CTNNA3: variants seen among roughly 807,000 people sequenced by gnomAD.
CTNNA3 encodes the protein catenin alpha 3, also known as catenin alpha-3.
CTNNA3 carries 76 observed loss-of-function variants against 95.7 expected under a neutral mutation model. The ratio of observed to expected loss-of-function variants is 0.79; its 90% CI spans 0.66 to 0.96. CTNNA3 has a LOEUF of 0.96. CTNNA3 is among the 40% of genes least tolerant of loss of function. The probability of loss-of-function intolerance (pLI) is 0.00; values close to 1 mark genes in which losing one functional copy is unlikely to be tolerated. For missense variants in CTNNA3, 1,191 were observed against 1,089.8 expected (o/e 1.09, Z -1.31); for synonymous variants, 431 against 374.4 (o/e 1.15, Z -1.74).
At chr10:66,759,118 T>A (rs1480029251) in intron 9 of CTNNA3, among the ~76,000 whole-genome samples, 1 of 152,160 alleles carries the variant, frequency 6.6e-6, no homozygotes, top group East Asian at 1.9e-4. Context: ...AAGTGAAATT[T>A]TCAAAAGGAA....
chr10:66,654,171 C>G (rs2132422975), intron 9 of CTNNA3, among the ~76,000 whole-genome samples: 1 of 151,782 alleles, frequency 6.6e-6, no homozygotes, highest in East Asian at 1.9e-4. Context: ...GAAGAGACAA[C>G]CTATGGAATG....
chr10:66,773,966 T>C (rs1840194448), intron 8 of CTNNA3, among the ~76,000 whole-genome samples: 1 of 152,210 alleles, frequency 6.6e-6, no homozygotes, highest in Non-Finnish European at 1.5e-5. Flanking sequence ...GACATAATTA[T>C]ACTAAACCAT....
chr10:67,224,467 G>C (rs995722004), intron 5 of CTNNA3, among the ~76,000 whole-genome samples: 6 of 152,208 alleles, frequency 3.9e-5, no homozygotes, highest in Non-Finnish European at 8.8e-5. Context: ...ATCCCTATGA[G>C]GGAGGACCCA....
At chr10:66,500,335 A>G (rs1840240318) in intron 11 of CTNNA3, among the ~76,000 whole-genome samples, 1 of 152,182 alleles carries the variant, frequency 6.6e-6, no homozygotes, top group Non-Finnish European at 1.5e-5. Context: ...TTTTTGCTAA[A>G]TATGACAGAC....
intron 5 of CTNNA3, among the ~76,000 whole-genome samples, chr10:67,310,261 G>A (rs1055595302): frequency 3.9e-5 from 6 of 151,982 alleles, no homozygotes; most frequent in Non-Finnish European, 8.8e-5. Flanking sequence ...TGCATCTTCC[G>A]ACATCTAAAC....
chr10:66,258,115 A>T (rs2090860344), intron 13 of CTNNA3, among the ~76,000 whole-genome samples: 1 of 152,166 alleles, frequency 6.6e-6, no homozygotes, highest in South Asian at 2.1e-4. Flanking sequence ...AAACCTGTCT[A>T]CCCTGCAGCT....
At chr10:67,618,645 T>C (rs1378649157) in intron 2 of CTNNA3, among the ~76,000 whole-genome samples, 2 of 152,182 alleles carry the variant, frequency 1.3e-5, no homozygotes, top group Non-Finnish European at 2.9e-5. Flanking sequence ...CTCATCATGA[T>C]GAATATGAGA....
chr10:66,135,149 T>G (rs12414397), intron 13 of CTNNA3, among the ~76,000 whole-genome samples: 1,751 of 152,286 alleles, frequency 0.011, 66 homozygotes, highest in East Asian at 0.081. Flanking sequence ...ATTTCTTAGC[T>G]AGTAACAGTA....
intron 13 of CTNNA3, among the ~76,000 whole-genome samples, chr10:66,251,529 T>C (rs1046818757): frequency 6.6e-6 from 1 of 152,144 alleles, no homozygotes; most frequent in African/African-American, 2.4e-5. Flanking sequence ...AAGGCAATTA[T>C]AGTAGAGTAA....
intron 6 of CTNNA3, among the ~76,000 whole-genome samples, chr10:67,195,747 T>G (rs533737705): frequency 6.6e-6 from 1 of 152,184 alleles, no homozygotes; most frequent in South Asian, 2.1e-4. Flanking sequence ...TACCAGGACA[T>G]GTAGAACTTA....
At chr10:66,578,542 A>G (rs978040634) in intron 10 of CTNNA3, among the ~76,000 whole-genome samples, 1 of 151,966 alleles carries the variant, frequency 6.6e-6, no homozygotes, top group Non-Finnish European at 1.5e-5. Flanking sequence ...GTTCAACTGT[A>G]TCAAAGGCTA....
At chr10:67,758,321 T>TACACAC (rs377283050) in intron 1 of CTNNA3, among the ~76,000 whole-genome samples, 5 of 78,094 alleles carry the variant, frequency 6.4e-5, no homozygotes, top group Non-Finnish European at 1.4e-4. Context: ...TATAAATATA[T>TACACAC]ATACACACAC....
At chr10:66,242,196 A>G (rs920281313) in intron 13 of CTNNA3, among the ~76,000 whole-genome samples, 2 of 152,208 alleles carry the variant, frequency 1.3e-5, no homozygotes, top group Non-Finnish European at 2.9e-5. Flanking sequence ...CTTAGCCTCC[A>G]TAACTGTAAA....
chr10:67,186,529 T>A (rs1343022088), intron 6 of CTNNA3, among the ~76,000 whole-genome samples: 8 of 152,214 alleles, frequency 5.3e-5, no homozygotes, highest in Admixed American at 5.2e-4. Context: ...TATTCCAACC[T>A]ACTAAAGTTT....
chr10:67,729,457 A>G (rs760309187), intron 1 of CTNNA3, among the ~76,000 whole-genome samples: 47 of 152,276 alleles, frequency 3.1e-4, no homozygotes, highest in South Asian at 1.2e-3. Flanking sequence ...AAAAACAATA[A>G]AGACAATGTT....
chr10:67,753,564 C>T (rs541002110), intron 1 of CTNNA3, among the ~76,000 whole-genome samples: 15 of 152,190 alleles, frequency 9.9e-5, no homozygotes, highest in African/African-American at 3.6e-4. Context: ...GCAATCTATC[C>T]CTCTGACGAA....
intron 8 of CTNNA3, among the ~76,000 whole-genome samples, chr10:66,769,391 C>A (rs1182758359): frequency 1.3e-5 from 2 of 152,136 alleles, no homozygotes; most frequent in East Asian, 3.9e-4. Context: ...CTAATTCAAC[C>A]AACCCACAAT....
intron 7 of CTNNA3, among the ~76,000 whole-genome samples, chr10:66,890,655 T>C (rs764799964): frequency 6.6e-6 from 1 of 152,156 alleles, no homozygotes; most frequent in Non-Finnish European, 1.5e-5. Flanking sequence ...CATTGATGGA[T>C]ACCGACAAAA....
chr10:66,377,999 T>C (rs2092808127), intron 12 of CTNNA3, among the ~76,000 whole-genome samples: 1 of 151,906 alleles, frequency 6.6e-6, no homozygotes, highest in Non-Finnish European at 1.5e-5. Flanking sequence ...AAAGAGATAG[T>C]AAGAAAATTA....
Sources: allele counts gnomAD v4.1 joint callset (sites outside exome capture counted in the v4.1 genomes callset), GRCh38; gene constraint gnomAD v4.1.1; transcripts MANE v1.5; gene names NCBI Gene and HGNC (gene_info 2026-07-23, HGNC 2026-07-21).